Variants in HADHA observed in about 807,000 individuals in gnomAD.
HADHA encodes trifunctional enzyme subunit alpha, mitochondrial.
In HADHA, 59 loss-of-function variants were observed where a neutral mutation model predicts 91.3. That is an observed-to-expected ratio of 0.65 (90% confidence interval 0.52 to 0.80). The LOEUF is 0.80. Ranked by LOEUF, HADHA falls within the 30% of genes least tolerant of loss-of-function variation. The pLI is 0.00. For synonymous variants in HADHA, 320 were observed against 338.9 expected (o/e 0.94, Z 0.61); for missense variants, 800 against 927.6 (o/e 0.86, Z 1.79).
chr2:26,228,036 CT>C (rs1223148041), intron 7 of HADHA, among the ~76,000 whole-genome samples: 4 of 151,340 alleles, frequency 2.6e-5, no homozygotes, highest in African/African-American at 7.3e-5. Flanking sequence ...TCAGGCCAAA[CT>C]TTTTTTTTCA....
rs1451687858 is a variant in HADHA at position 26,229,959 on chromosome 2, C to G, written c.676+233G>C. ...CCTCCTGCCTCAGCCTCCCAAGTAGCTGGAACTACAGGTTTGCACCACCAC... is the reference window on the plus strand; with the variant it reads ...CCTCCTGCCTCAGCCTCCCAAGTAGGTGGAACTACAGGTTTGCACCACCAC... On this transcript the variant is annotated intron_variant, in intron 7 of 19. Coordinates refer to ENST00000380649, the MANE Select transcript of HADHA (RefSeq NM_000182.5). The surrounding 1 kb of genome is among the most constrained non-coding windows in gnomAD (Gnocchi z 4.3). Among the ~76,000 whole-genome samples, 1 of 152,216 alleles carries G rather than the reference C, an allele frequency of 6.6e-6. No homozygotes were observed. Among genetic ancestry groups the G allele is most frequent in the Admixed American group, 6.5e-5 (1 of 15,272 alleles).
chr2:26,244,396 G>A, intron 1 of HADHA, 134 bp downstream of exon 1: 3 of 873,368 alleles, frequency 3.4e-6, no homozygotes, highest in South Asian at 2.9e-5. Context: ...CGGGTCCCAG[G>A]GCAGTATCCC....
intron 7 of HADHA, among the ~76,000 whole-genome samples, chr2:26,217,321 T>G (rs1670261492): frequency 6.6e-6 from 1 of 152,160 alleles, no homozygotes; most frequent in Non-Finnish European, 1.5e-5. Flanking sequence ...CAGAGCTTCA[T>G]TTTTGGGCAA....
intron 10 of HADHA, chr2:26,212,330 G>A: frequency 4.0e-6 from 2 of 504,292 alleles, no homozygotes; most frequent in Admixed American, 6.4e-5. Flanking sequence ...CAAACGATCT[G>A]CCCACCTCGG....
intron 11 of HADHA, among the ~76,000 whole-genome samples, chr2:26,206,835 G>C (rs538521284): frequency 4.6e-5 from 7 of 152,272 alleles, no homozygotes; most frequent in African/African-American, 1.7e-4. Context: ...ACATCTCCAA[G>C]TCATATCACT....
chr2:26,228,990 T>G (rs1574622349), intron 7 of HADHA, among the ~76,000 whole-genome samples: 1 of 152,110 alleles, frequency 6.6e-6, no homozygotes, highest in Non-Finnish European at 1.5e-5. Context: ...ATTTTTGGAT[T>G]GTGGCAGTGT....
intron 13 of HADHA, among the ~76,000 whole-genome samples, chr2:26,200,784 G>A (rs548152165): frequency 2.7e-5 from 4 of 150,628 alleles, no homozygotes; most frequent in African/African-American, 9.8e-5. Flanking sequence ...CCAGACTGGA[G>A]TGCAGTGGCG....
chr2:26,240,753 G>T (rs187089404), intron 1 of HADHA, among the ~76,000 whole-genome samples: 41 of 152,312 alleles, frequency 2.7e-4, no homozygotes, highest in African/African-American at 9.1e-4. Flanking sequence ...TTACAGGCAT[G>T]TGCCACTATG....
In HADHA at chr2:26,191,277, G is replaced by A. The variant is rs2147748705; in HGVS notation, c.2265C>T (p.Asn755=). Residue 755 remains asparagine, a synonymous_variant, in exon 20 of 20, where the codon AAC becomes AAT. Coordinates refer to ENST00000380649, the MANE Select transcript of HADHA (RefSeq NM_000182.5). ...ACTGGTAGAACTTCTTGTTAGGGCT[G>A]TTAGCATGGTCAGCTAGCAGCTGGC... ...TPCQLLADHA[N]SPNKKFYQ The A allele has an allele frequency of 6.2e-7, 1 of 1,612,982 alleles. No individual in the cohort carries two copies. Among genetic ancestry groups the A allele is most frequent in the Non-Finnish European group, 8.5e-7 (1 of 1,180,014 alleles).
At chr2:26,236,574 A>G (rs1338408378) in intron 4 of HADHA, among the ~76,000 whole-genome samples, 1 of 151,748 alleles carries the variant, frequency 6.6e-6, no homozygotes, top group Non-Finnish European at 1.5e-5. Context: ...GTGTGCCACC[A>G]TGCCTAATTT....
rs150373381 is a variant in HADHA, at chr2:26,240,826, A to T, written c.68-1683T>A. On this transcript the variant is annotated intron_variant, in intron 1 of 19. Transcript: ENST00000380649. ...GATAACAGGTTAGTGGTCATTAGCC[A>T]ACAGTTTAAACCATTTTAACTCCTG... 1.1e-4 allele frequency among the ~76,000 whole-genome samples: 17 copies of T among 152,324 alleles called. No homozygotes were observed. In the East Asian group the frequency reaches 3.1e-3, roughly 28 times the overall value.
intron 7 of HADHA, among the ~76,000 whole-genome samples, chr2:26,219,822 G>T (rs936121433): frequency 2.6e-5 from 4 of 152,120 alleles, no homozygotes; most frequent in Non-Finnish European, 5.9e-5. Flanking sequence ...AAATAGATGG[G>T]CAGTCTACTA....
chr2:26,232,241 G>C lies in HADHA; in HGVS notation c.492C>G (p.Asp164Glu). ...ISCQYRIATK[D>E]RKTVLGTPEV... ...CAGGGGTACCTAATACTGTTTTTCTGTCTTTTGTTGCTATTCTGTATTGGC... is the reference window on the plus strand; with the variant it reads ...CAGGGGTACCTAATACTGTTTTTCTCTCTTTTGTTGCTATTCTGTATTGGC... The change falls in exon 6 of 20, where the codon GAC becomes GAG. Residue 164 changes from aspartate to glutamate, a missense_variant. Coordinates refer to ENST00000380649, the MANE Select transcript of HADHA (RefSeq NM_000182.5). 2.5e-6 allele frequency: 4 copies of C among 1,600,576 alleles called. No individual in the cohort carries two copies. Among genetic ancestry groups the C allele is most frequent in the Non-Finnish European group, 3.4e-6 (4 of 1,167,738 alleles).
At chr2:26,218,338 A>G (rs1670288890) in intron 7 of HADHA, among the ~76,000 whole-genome samples, 1 of 152,016 alleles carries the variant, frequency 6.6e-6, no homozygotes, top group African/African-American at 2.4e-5. Context: ...TTAGCAATCT[A>G]GGAAAAATAT....
chr2:26,240,002 C>T (rs1408949186), intron 1 of HADHA, among the ~76,000 whole-genome samples: 1 of 152,156 alleles, frequency 6.6e-6, no homozygotes, highest in Non-Finnish European at 1.5e-5. Context: ...TTTGCTTTTC[C>T]ATCATTTGAA....
chr2:26,217,848 A>G (rs1350700344), intron 7 of HADHA, among the ~76,000 whole-genome samples: 1 of 152,174 alleles, frequency 6.6e-6, no homozygotes, highest in Admixed American at 6.5e-5. Context: ...TCGGGGCTTC[A>G]GTGAGTTATG....
intron 7 of HADHA, among the ~76,000 whole-genome samples, chr2:26,223,450 C>A (rs953627749): frequency 6.0e-4 from 91 of 152,228 alleles, no homozygotes; most frequent in African/African-American, 2.1e-3. Flanking sequence ...CCCCACCAGG[C>A]AAAGAACTAG....
chr2:26,222,411 A>G (rs1264472907), intron 7 of HADHA, among the ~76,000 whole-genome samples: 1 of 152,228 alleles, frequency 6.6e-6, no homozygotes, highest in Non-Finnish European at 1.5e-5. Context: ...GTCAGTGGAT[A>G]GACCTCTCTG....
intron 5 of HADHA, among the ~76,000 whole-genome samples, chr2:26,233,687 A>C (rs1313755909): frequency 6.6e-6 from 1 of 152,216 alleles, no homozygotes; most frequent in Non-Finnish European, 1.5e-5. Context: ...TTAGAGATGC[A>C]GTTCAAATGA....
Sources: gnomAD v4.1 joint callset for allele counts (sites outside exome capture counted in the v4.1 genomes callset) on GRCh38, gnomAD v4.1.1 for gene constraint, Gnocchi (gnomAD v3.1) non-coding constraint, MANE v1.5 for transcripts, NCBI Gene and HGNC (gene_info 2026-07-23, HGNC 2026-07-21) for gene names.